MECOM: variants seen among roughly 807,000 people sequenced by gnomAD.
MECOM encodes the protein MDS1 and EVI1 complex locus.
In MECOM, 13 loss-of-function variants were observed where a neutral mutation model predicts 116.3. The ratio of observed to expected loss-of-function variants is 0.11; its 90% CI spans 0.07 to 0.18. The LOEUF is 0.18. Ranked by LOEUF, MECOM falls within the 10% of genes least tolerant of loss-of-function variation. The pLI is 1.00. For synonymous variants in MECOM, 528 were observed against 535.2 expected, an observed-to-expected ratio of 0.99 and a Z score of 0.19; for missense variants, 1,299 against 1,509.0, an observed-to-expected ratio of 0.86 and a Z score of 2.31.
chr3:169,298,095 A>G (rs1204121738), intron 2 of MECOM, among the ~76,000 whole-genome samples: 1 of 152,188 alleles, frequency 6.6e-6, no homozygotes, highest in Non-Finnish European at 1.5e-5. Context: ...TTTCTTTTTA[A>G]TAAAGAGCAA....
intron 2 of MECOM, among the ~76,000 whole-genome samples, chr3:169,242,095 T>C (rs1301173692): frequency 6.6e-6 from 1 of 152,156 alleles, no homozygotes; most frequent in Non-Finnish European, 1.5e-5. Flanking sequence ...CCCCATTGTG[T>C]TTATAGATTT....
chr3:169,211,735 G>C (rs923929256), intron 2 of MECOM, among the ~76,000 whole-genome samples: 3 of 151,962 alleles, frequency 2.0e-5, no homozygotes, highest in Admixed American at 6.6e-5. Flanking sequence ...TCCAGTTCTA[G>C]AACTTTAAAG....
chr3:169,489,172 T>C (rs926557845), intron 1 of MECOM, among the ~76,000 whole-genome samples: 8 of 152,122 alleles, frequency 5.3e-5, no homozygotes, highest in African/African-American at 1.4e-4. Context: ...TTACTGAAAT[T>C]GACGCATAAA....
At chr3:169,558,312 T>C (rs1762266458) in intron 1 of MECOM, among the ~76,000 whole-genome samples, 1 of 152,234 alleles carries the variant, frequency 6.6e-6, no homozygotes, top group African/African-American at 2.4e-5. Context: ...GGCCCACTGC[T>C]TTCAAAACGT....
At chr3:169,178,733 G>T (rs893172728) in intron 2 of MECOM, among the ~76,000 whole-genome samples, 1 of 152,000 alleles carries the variant, frequency 6.6e-6, no homozygotes, top group Non-Finnish European at 1.5e-5. Flanking sequence ...TAATTTCTAG[G>T]TTGTGATAAA....
At chr3:169,349,528 G>A (rs1460303362) in intron 2 of MECOM, among the ~76,000 whole-genome samples, 1 of 151,832 alleles carries the variant, frequency 6.6e-6, no homozygotes, top group Non-Finnish European at 1.5e-5. Context: ...TTCATACCGA[G>A]ACTGTTCTCC....
chr3:169,474,377 G>A (rs1038864315), intron 1 of MECOM, among the ~76,000 whole-genome samples: 3 of 151,918 alleles, frequency 2.0e-5, no homozygotes, highest in Admixed American at 6.6e-5. Context: ...TTCAATATAC[G>A]GTTTATTAAT....
chr3:169,526,241 G>A (rs532300214), intron 1 of MECOM, among the ~76,000 whole-genome samples: 9 of 152,158 alleles, frequency 5.9e-5, no homozygotes, highest in South Asian at 4.2e-4. Context: ...CCAGATAGGC[G>A]TTTGAGTAAG....
intron 1 of MECOM, among the ~76,000 whole-genome samples, chr3:169,585,748 C>T (rs2109584432): frequency 6.6e-6 from 1 of 152,292 alleles, no homozygotes; most frequent in South Asian, 2.1e-4. Flanking sequence ...TCACTAATAG[C>T]ACCTGTAACA....
At chr3:169,145,030 G>T in intron 2 of MECOM, 1 of 1,555,916 alleles carries the variant, frequency 6.4e-7, no homozygotes, top group Non-Finnish European at 8.7e-7. Context: ...TGCTCCAAGG[G>T]CTTTAGTCAA....
intron 10 of MECOM, 72 bp from the exon 11 acceptor site, chr3:169,102,298 G>A (rs966158380): frequency 7.1e-7 from 1 of 1,415,352 alleles, no homozygotes; most frequent in African/African-American, 1.4e-5. Context: ...GGCAAACCAA[G>A]GACATCATTA....
intron 1 of MECOM, among the ~76,000 whole-genome samples, chr3:169,463,232 G>A (rs1359383411): frequency 6.6e-6 from 1 of 152,180 alleles, no homozygotes; most frequent in African/African-American, 2.4e-5. Flanking sequence ...GGAAATGGAA[G>A]GATTAAGCAG....
intron 2 of MECOM, among the ~76,000 whole-genome samples, chr3:169,366,064 T>C (rs1560180666): frequency 6.6e-6 from 1 of 152,058 alleles, no homozygotes; most frequent in African/African-American, 2.4e-5. Context: ...TTCCTTCTCT[T>C]GCTCTCTGGT....
At chr3:169,171,893 C>A (rs544909138) in intron 2 of MECOM, among the ~76,000 whole-genome samples, 142 of 151,960 alleles carry the variant, frequency 9.3e-4, no homozygotes, top group Non-Finnish European at 1.9e-3. Context: ...AGAAAGCTCC[C>A]AAGAGAGGAA....
At chr3:169,091,639 A>G (rs1354696988) in intron 14 of MECOM, among the ~76,000 whole-genome samples, 1 of 152,078 alleles carries the variant, frequency 6.6e-6, no homozygotes, top group Non-Finnish European at 1.5e-5. Flanking sequence ...AGACACGCAC[A>G]CACACACACA....
At chr3:169,407,625 A>G (rs1378494267) in intron 1 of MECOM, among the ~76,000 whole-genome samples, 1 of 152,332 alleles carries the variant, frequency 6.6e-6, no homozygotes. Flanking sequence ...TAAACACCTC[A>G]AACTAATTGT....
chr3:169,479,652 TAAAAAAAAA>T (rs3042768), intron 1 of MECOM, among the ~76,000 whole-genome samples: 1 of 126,672 alleles, frequency 7.9e-6, no homozygotes, highest in Non-Finnish European at 1.6e-5. Flanking sequence ...TTCTCTTACC[TAAAAAAAAA>T]AAAAAAAAAA....
chr3:169,594,176 A>AAAAAAAAAAAC lies in MECOM; in HGVS notation c.37+69159_37+69160insGTTTTTTTTTT, dbSNP rs1553894631. 1.2e-3 allele frequency among the ~76,000 whole-genome samples: 173 copies of AAAAAAAAAAAC among 139,702 alleles called. 4 individuals are homozygous for AAAAAAAAAAAC. The highest frequency in any genetic ancestry group is 1.6e-3 in the African/African-American group (58 of 35,222). The allele number at this position is 139,702 out of a possible 152,430, so 91.6% of individuals were successfully genotyped here. On this transcript the variant is annotated intron_variant, in intron 1 of 16. Coordinates refer to ENST00000651503, the MANE Select transcript of MECOM (RefSeq NM_004991.4). ...CCACAAAAAAAAAAAAAAAAAAAAA[A>AAAAAAAAAAAC]CACCTTTTCACCTAAGTACCTCAAG...
At chr3:169,150,420 C>CA (rs1298399848) in intron 2 of MECOM, among the ~76,000 whole-genome samples, 14 of 152,224 alleles carry the variant, frequency 9.2e-5, no homozygotes, top group Non-Finnish European at 1.8e-4. Flanking sequence ...TTCCCAGTTA[C>CA]AAATTAATCT....
Sources: gnomAD v4.1 joint callset for allele counts (sites outside exome capture counted in the v4.1 genomes callset) on GRCh38, gnomAD v4.1.1 for gene constraint, MANE v1.5 for transcripts, NCBI Gene and HGNC (gene_info 2026-07-23, HGNC 2026-07-21) for gene names.